Variants in NELL1 observed in about 807,000 individuals in gnomAD.
NELL1 encodes the protein protein kinase C-binding protein NELL1.
A neutral mutation model predicts 107.4 loss-of-function variants in NELL1; 76 were observed. The observed-to-expected ratio is 0.71, with a 90% confidence interval of 0.59 to 0.86. The LOEUF (loss-of-function observed/expected upper bound fraction) is 0.86, where lower values mean the gene tolerates loss of function less well. NELL1 is among the 40% of genes least tolerant of loss of function. The pLI, the probability that NELL1 is intolerant of heterozygous loss-of-function variation, is 0.00. For synonymous variants in NELL1, 353 were observed against 341.2 expected (o/e 1.03, Z -0.38); for missense variants, 1,024 against 1,005.5 (o/e 1.02, Z -0.25).
At chr11:20,949,099 A>G (rs1035380531) in intron 11 of NELL1, among the ~76,000 whole-genome samples, 6 of 152,232 alleles carry the variant, frequency 3.9e-5, no homozygotes, top group African/African-American at 7.2e-5. Flanking sequence ...GATCATAGGT[A>G]TATAAATGGG....
At chr11:20,768,130 G>A (rs1400636349) in intron 2 of NELL1, among the ~76,000 whole-genome samples, 2 of 152,110 alleles carry the variant, frequency 1.3e-5, no homozygotes, top group African/African-American at 2.4e-5. Context: ...CATATGCTAG[G>A]TACTATTCTA....
chr11:21,051,658 G>A (rs564776314), intron 12 of NELL1, among the ~76,000 whole-genome samples: 1 of 152,224 alleles, frequency 6.6e-6, no homozygotes, highest in South Asian at 2.1e-4. Flanking sequence ...CTTTTCATTT[G>A]TAGATTCCAG....
chr11:20,683,204 T>C (rs1854230186), intron 2 of NELL1, among the ~76,000 whole-genome samples: 1 of 152,114 alleles, frequency 6.6e-6, no homozygotes, highest in Non-Finnish European at 1.5e-5. Flanking sequence ...CTATTTAGTT[T>C]ATAAACTCCT....
chr11:21,247,720 A>G (rs1243095254), intron 14 of NELL1, among the ~76,000 whole-genome samples: 1 of 152,262 alleles, frequency 6.6e-6, no homozygotes, highest in Non-Finnish European at 1.5e-5. Flanking sequence ...ATAAACCAGT[A>G]ACATAGCTGT....
At position 21,157,006 on chromosome 11, in the gene NELL1, G is replaced by T. The variant is rs1188499175; in HGVS notation, c.1426+43292G>T. On this transcript the variant is annotated intron_variant, in intron 13 of 19. Coordinates refer to ENST00000357134, the MANE Select transcript of NELL1 (RefSeq NM_006157.5). The stretch of plus-strand genomic sequence containing the variant: ...AATCTCAGCTACTTGGGAGGCTGAG[G>T]CATGAGAATCGCTGTAACCCAGGAG... 2.0e-5 allele frequency among the ~76,000 whole-genome samples: 3 copies of T among 151,948 alleles called. 1 individual carries two copies. The highest frequency in any genetic ancestry group is 1.5e-5 in the Non-Finnish European group (1 of 68,010).
intron 12 of NELL1, among the ~76,000 whole-genome samples, chr11:20,984,214 C>A (rs1223928541): frequency 6.6e-6 from 1 of 152,128 alleles, no homozygotes; most frequent in Non-Finnish European, 1.5e-5. Flanking sequence ...GACATTTTCC[C>A]CATGAACATT....
intron 13 of NELL1, among the ~76,000 whole-genome samples, chr11:21,133,209 C>G (rs1040166642): frequency 6.6e-6 from 1 of 152,146 alleles, no homozygotes; most frequent in African/African-American, 2.4e-5. Flanking sequence ...CTTCCCACAG[C>G]TAGTAGTCCT....
At chr11:21,538,283 T>C (rs939415644) in intron 16 of NELL1, among the ~76,000 whole-genome samples, 1 of 152,170 alleles carries the variant, frequency 6.6e-6, no homozygotes, top group African/African-American at 2.4e-5. Context: ...CCTTCACTAC[T>C]GATTTTATCC....
intron 15 of NELL1, among the ~76,000 whole-genome samples, chr11:21,506,444 A>G (rs981912861): frequency 5.3e-5 from 8 of 152,192 alleles, no homozygotes; most frequent in African/African-American, 1.9e-4. Context: ...ATACAGTATA[A>G]TGACTCTGTG....
intron 2 of NELL1, among the ~76,000 whole-genome samples, chr11:20,682,061 T>A (rs1715256): frequency 0.85 from 129,699 of 152,100 alleles, 55,702 homozygotes; most frequent in Non-Finnish European, 0.88. Flanking sequence ...GCCATATAAG[T>A]TGACATATTA....
intron 4 of NELL1, among the ~76,000 whole-genome samples, chr11:20,863,547 A>G (rs1330292766): frequency 2.2e-5 from 3 of 134,678 alleles, no homozygotes; most frequent in South Asian, 2.6e-4. Context: ...ATCCCAGACG[A>G]TGGGCAGCCG....
At chr11:21,338,001 C>A (rs905075192) in intron 14 of NELL1, among the ~76,000 whole-genome samples, 4 of 151,790 alleles carry the variant, frequency 2.6e-5, no homozygotes, top group African/African-American at 9.7e-5. Context: ...GCATCCTAAA[C>A]TGTGTGCCCT....
At chr11:20,996,755 T>A (rs1296995503) in intron 12 of NELL1, among the ~76,000 whole-genome samples, 1 of 152,160 alleles carries the variant, frequency 6.6e-6, no homozygotes, top group African/African-American at 2.4e-5. Context: ...GACAGCAAAT[T>A]GAGTAGCAAA....
chr11:20,904,416 T>C (rs1849947664), intron 5 of NELL1, among the ~76,000 whole-genome samples: 1 of 152,178 alleles, frequency 6.6e-6, no homozygotes, highest in South Asian at 2.1e-4. Flanking sequence ...GTACAATTAT[T>C]ATGTGTTAAT....
rs140067651 is a variant in NELL1, at chr11:21,169,851, C to T, written c.1426+56137C>T. ...GATGCAAGTGCTTGCACCCCAGAGT[C>T]CCCCCAGGAAGAGTTGCCATGTCAC... is the stretch of plus-strand genomic sequence containing the variant. On this transcript the variant is annotated intron_variant, in intron 13 of 19. Transcript: ENST00000357134. 7,630 of 1,410,912 alleles carry T rather than the reference C, an allele frequency of 5.4e-3. 29 individuals are homozygous for T. Among genetic ancestry groups the T allele is most frequent in the Non-Finnish European group, 6.8e-3 (6,889 of 1,005,938 alleles). The allele number at this position is 1,410,912 out of a possible 1,614,324, so 87.4% of individuals were successfully genotyped here.
At chr11:21,223,172 TTCTC>T (rs150520314) in intron 13 of NELL1, among the ~76,000 whole-genome samples, 4 of 150,846 alleles carry the variant, frequency 2.7e-5, no homozygotes, top group African/African-American at 4.9e-5. Context: ...TTGGAATCTC[TTCTC>T]TCTCTCTCTC....
Position 21,509,309 on chromosome 11 carries a change from A to G in NELL1, c.1646-25065A>G, listed in dbSNP as rs527659939. ...TAGGCATTTTGAAGAATTATTTTCTAGTTTGGTAGAGTTGACTGTGCACAT... is the reference window on the plus strand; with the variant it reads ...TAGGCATTTTGAAGAATTATTTTCTGGTTTGGTAGAGTTGACTGTGCACAT... On this transcript the variant is annotated intron_variant, in intron 15 of 19. Coordinates refer to ENST00000357134, the MANE Select transcript of NELL1 (RefSeq NM_006157.5). 2.0e-5 allele frequency among the ~76,000 whole-genome samples: 3 copies of G among 152,292 alleles called. No individual in the cohort carries two copies. In the East Asian group the frequency reaches 5.8e-4, roughly 29 times the overall value.
intron 19 of NELL1, among the ~76,000 whole-genome samples, chr11:21,574,301 A>G (rs1226909518): frequency 6.6e-6 from 1 of 151,676 alleles, no homozygotes; most frequent in African/African-American, 2.4e-5. Context: ...GCCCCAGTAG[A>G]AAAAGGATAC....
intron 9 of NELL1, among the ~76,000 whole-genome samples, chr11:20,933,610 A>G (rs1240316848): frequency 6.6e-6 from 1 of 152,138 alleles, no homozygotes; most frequent in African/African-American, 2.4e-5. Context: ...AAAGTGTAAA[A>G]CAGTGTGCTG....
Sources: allele counts gnomAD v4.1 joint callset (sites outside exome capture counted in the v4.1 genomes callset), GRCh38; gene constraint gnomAD v4.1.1; transcripts MANE v1.5; gene names NCBI Gene and HGNC (gene_info 2026-07-23, HGNC 2026-07-21).